BPIFC: variants seen among roughly 807,000 people sequenced by gnomAD.
BPIFC encodes the protein BPI fold containing family C.
A neutral mutation model predicts 57.6 loss-of-function variants in BPIFC; 60 were observed. The ratio of observed to expected loss-of-function variants is 1.04; its 90% CI spans 0.85 to 1.29. The LOEUF (loss-of-function observed/expected upper bound fraction) is 1.29, where lower values mean the gene tolerates loss of function less well. BPIFC is among the 50% of genes most tolerant of loss of function. The pLI is 0.00. For missense variants in BPIFC, 581 were observed against 600.5 expected (o/e 0.97, Z 0.34); for synonymous variants, 243 against 224.5 (o/e 1.08, Z -0.74).
intron 4 of BPIFC, among the ~76,000 whole-genome samples, chr22:32,452,510 G>T (rs541629482): frequency 6.6e-6 from 1 of 151,944 alleles, no homozygotes; most frequent in East Asian, 1.9e-4. Flanking sequence ...GTGGTGGCGG[G>T]TGCCTGTAGT....
chr22:32,442,828 T>G (rs1199337310), intron 7 of BPIFC, 97 bp from the exon 8 acceptor site: 1 of 1,109,504 alleles, frequency 9.0e-7, no homozygotes, highest in African/African-American at 1.6e-5. Context: ...GGCCTTCTGG[T>G]TAGCAGTCAT....
chr22:32,454,707 C>A (rs1004684442), intron 3 of BPIFC, among the ~76,000 whole-genome samples: 2 of 152,028 alleles, frequency 1.3e-5, no homozygotes, highest in Admixed American at 1.3e-4. Flanking sequence ...CTCTAAAATG[C>A]CAGAAAAAAA....
intron 12 of BPIFC, among the ~76,000 whole-genome samples, chr22:32,432,113 AT>A (rs912484476): frequency 1.7e-3 from 249 of 145,742 alleles, no homozygotes; most frequent in African/African-American, 3.9e-3. Context: ...AATTCAAACA[AT>A]TTTTTTTTTT....
chr22:32,426,151 G>A (rs1389177114), intron 13 of BPIFC, among the ~76,000 whole-genome samples: 2 of 152,172 alleles, frequency 1.3e-5, no homozygotes, highest in Non-Finnish European at 2.9e-5. Flanking sequence ...ATTCAGGCAG[G>A]GGATAGTTAG....
intron 2 of BPIFC, among the ~76,000 whole-genome samples, chr22:32,460,011 C>T (rs2145971671): frequency 6.6e-6 from 1 of 152,112 alleles, no homozygotes; most frequent in South Asian, 2.1e-4. Flanking sequence ...AGGTGGAGCC[C>T]TTGGCCGAAG....
chr22:32,443,958 T>C (rs1934642070), intron 7 of BPIFC, among the ~76,000 whole-genome samples: 1 of 152,168 alleles, frequency 6.6e-6, no homozygotes, highest in Admixed American at 6.5e-5. Flanking sequence ...TTAGAGAGGT[T>C]AAGTGAGTTG....
At chr22:32,416,079 CTTTTTTT>C in intron 15 of BPIFC, 88 bp from the exon 16 acceptor site, 1 of 434,548 alleles carries the variant, frequency 2.3e-6, no homozygotes, top group South Asian at 2.8e-5. Context: ...TGACAGCTTG[CTTTTTTT>C]TTTTTTTTTT....
At chr22:32,419,786 T>G (rs1435837375) in intron 13 of BPIFC, among the ~76,000 whole-genome samples, 1 of 117,586 alleles carries the variant, frequency 8.5e-6, no homozygotes, top group Non-Finnish European at 1.7e-5. Context: ...AGCCTGGGTA[T>G]CAGAGTGAGA....
intron 3 of BPIFC, among the ~76,000 whole-genome samples, chr22:32,456,139 CT>C: frequency 6.6e-6 from 1 of 152,364 alleles, no homozygotes; most frequent in African/African-American, 2.4e-5. Flanking sequence ...AAGAAAAGAA[CT>C]GCACAACTTT....
chr22:32,423,571 G>GGGGTGT (rs1556036041), intron 13 of BPIFC, among the ~76,000 whole-genome samples: 7 of 96,130 alleles, frequency 7.3e-5, no homozygotes, highest in African/African-American at 5.8e-4. Flanking sequence ...GGAGTTGTAG[G>GGGGTGT]GTGTGGGTGT....
chr22:32,435,751 C>CT lies in BPIFC; in HGVS notation c.876_877insA (p.Ala293SerfsTer84). The CT allele has an allele frequency of 6.2e-7, 1 of 1,614,100 alleles. No homozygotes were observed. Among genetic ancestry groups the CT allele is most frequent in the Non-Finnish European group, 8.5e-7 (1 of 1,180,022 alleles). ...TTGAAAACCCCAGCTGTGAAATGAGCAAAGGACGCAGATTTAAAGAAATAC... is the reference window on the plus strand; with the variant it reads ...TTGAAAACCCCAGCTGTGAAATGAGCTAAAGGACGCAGATTTAAAGAAATAC... On this transcript the variant is annotated frameshift_variant, in exon 10 of 17. Coordinates refer to ENST00000300399, the MANE Select transcript of BPIFC (RefSeq NM_174932.3). LOFTEE classifies it high-confidence loss of function.
Position 32,435,326 on chromosome 22 carries a change from A to T in BPIFC, c.924+378T>A, listed in dbSNP as rs184483478. On this transcript the variant is annotated intron_variant, in intron 10 of 16. Transcript: ENST00000300399. ...CAGGTTGAACATTCCTAATCTGAATATCCAAAATTCAAAGTGCCCCAAAAT... is the reference window on the plus strand; with the variant it reads ...CAGGTTGAACATTCCTAATCTGAATTTCCAAAATTCAAAGTGCCCCAAAAT... Among the ~76,000 whole-genome samples the T allele has an allele frequency of 7.9e-5, 12 of 152,322 alleles. No individual in the cohort carries two copies. In the East Asian group the frequency reaches 2.1e-3, roughly 27 times the overall value.
chr22:32,424,780 T>C (rs1934013337), intron 13 of BPIFC, among the ~76,000 whole-genome samples: 1 of 116,592 alleles, frequency 8.6e-6, no homozygotes, highest in Middle Eastern at 4.1e-3. Context: ...CTTCTTCTTC[T>C]TCTTCTTCCT....
At chr22:32,441,498 T>C (rs1934563364) in intron 8 of BPIFC, among the ~76,000 whole-genome samples, 1 of 152,026 alleles carries the variant, frequency 6.6e-6, no homozygotes, top group African/African-American at 2.4e-5. Context: ...CAGCGCGCCA[T>C]TGGTGAATGA....
intron 14 of BPIFC, among the ~76,000 whole-genome samples, chr22:32,418,278 C>G (rs1933742284): frequency 6.6e-6 from 1 of 152,168 alleles, no homozygotes; most frequent in Admixed American, 6.5e-5. Context: ...TATAGTATTT[C>G]TTTTAGTAAA....
At chr22:32,462,940 A>G (rs1471166136) in intron 1 of BPIFC, among the ~76,000 whole-genome samples, 1 of 152,196 alleles carries the variant, frequency 6.6e-6, no homozygotes, top group Non-Finnish European at 1.5e-5. Context: ...AGCATCTAGA[A>G]ACGTTCAAGC....
intron 4 of BPIFC, among the ~76,000 whole-genome samples, chr22:32,449,218 T>G (rs1934818301): frequency 6.6e-6 from 1 of 152,170 alleles, no homozygotes; most frequent in Non-Finnish European, 1.5e-5. Context: ...AGTGCTTGAC[T>G]TGGAGCCAAG....
intron 13 of BPIFC, among the ~76,000 whole-genome samples, chr22:32,429,501 TG>T (rs952851236): frequency 7.1e-5 from 10 of 140,330 alleles, no homozygotes; most frequent in Non-Finnish European, 1.4e-4. Context: ...CCATGGCAAC[TG>T]GCCTTTGTTT....
chr22:32,453,306 G>A (rs1038964399), intron 4 of BPIFC, 77 bp downstream of exon 4: 47 of 1,019,124 alleles, frequency 4.6e-5, no homozygotes, highest in African/African-American at 2.2e-4. Flanking sequence ...TGATGAAATC[G>A]TGGGGCTTCC....
Sources: allele counts gnomAD v4.1 joint callset (sites outside exome capture counted in the v4.1 genomes callset), GRCh38; gene constraint gnomAD v4.1.1; transcripts MANE v1.5; gene names NCBI Gene and HGNC (gene_info 2026-07-23, HGNC 2026-07-21).